The following GLIS3 variants were observed in gnomAD, a reference collection of about 807,000 sequenced individuals.
GLIS3 encodes the protein GLIS family zinc finger 3.
In GLIS3, 53 loss-of-function variants were observed where a neutral mutation model predicts 78.6. The observed-to-expected ratio is 0.67, with a 90% CI of 0.54 to 0.85. The LOEUF is 0.85. Among genes scored for constraint, GLIS3 ranks in the 40% least tolerant of loss-of-function variants. The pLI is 0.00. For synonymous variants in GLIS3, 684 were observed against 509.9 expected (o/e 1.34, Z -4.60); for missense variants, 1,703 against 1,231.1 (o/e 1.38, Z -5.74).
At chr9:4,399,003 T>G in the GLIS3 span, among the ~76,000 whole-genome samples, 15 of 152,198 alleles carry the variant, frequency 9.9e-5, no homozygotes, top group African/African-American at 3.6e-4. Flanking sequence ...AGTTCTTAGA[T>G]TCCTTTGTTT....
At chr9:4,272,999 C>G (rs1324883122) in intron 2 of GLIS3, among the ~76,000 whole-genome samples, 1 of 152,200 alleles carries the variant, frequency 6.6e-6, no homozygotes, top group Non-Finnish European at 1.5e-5. Context: ...TATTTCACCT[C>G]AGTGCATGTG....
chr9:3,920,309 G>T (rs1203089035), intron 6 of GLIS3, among the ~76,000 whole-genome samples: 1 of 152,146 alleles, frequency 6.6e-6, no homozygotes, highest in African/African-American at 2.4e-5. Flanking sequence ...GGCCATTACT[G>T]ACTGTTTTAA....
chr9:4,188,878 CTT>C (rs1362966633), intron 2 of GLIS3, among the ~76,000 whole-genome samples: 2 of 152,002 alleles, frequency 1.3e-5, no homozygotes, highest in African/African-American at 4.8e-5. Context: ...CTATTTCACT[CTT>C]CTCTCTTTTT....
intron 6 of GLIS3, among the ~76,000 whole-genome samples, chr9:3,924,717 T>G (rs1825111059): frequency 6.6e-6 from 1 of 152,120 alleles, no homozygotes; most frequent in Non-Finnish European, 1.5e-5. Flanking sequence ...ACAAAGGACA[T>G]GAATACTTTG....
intron 8 of GLIS3, among the ~76,000 whole-genome samples, chr9:3,870,576 T>A (rs1820908364): frequency 6.6e-6 from 1 of 152,160 alleles, no homozygotes; most frequent in African/African-American, 2.4e-5. Flanking sequence ...CCATCTTACA[T>A]GGATGGCAGA....
At chr9:3,907,515 A>G (rs1823790290) in intron 6 of GLIS3, among the ~76,000 whole-genome samples, 1 of 151,962 alleles carries the variant, frequency 6.6e-6, no homozygotes, top group Non-Finnish European at 1.5e-5. Flanking sequence ...CCCTTCGATT[A>G]GCAATGTGCT....
At chr9:4,141,285 G>C (rs944230381) in intron 2 of GLIS3, among the ~76,000 whole-genome samples, 2 of 152,186 alleles carry the variant, frequency 1.3e-5, no homozygotes, top group African/African-American at 4.8e-5. Context: ...TGAGTAGCAA[G>C]ACAGCTCCCA....
At chr9:4,253,553 G>A (rs896188883) in intron 2 of GLIS3, among the ~76,000 whole-genome samples, 1 of 152,216 alleles carries the variant, frequency 6.6e-6, no homozygotes, top group Non-Finnish European at 1.5e-5. Context: ...CTCTGTGCGG[G>A]TGGGATCCGC....
chr9:4,347,504 C>G (rs1205914355), intron 1 of GLIS3, among the ~76,000 whole-genome samples: 1 of 152,172 alleles, frequency 6.6e-6, no homozygotes, highest in African/African-American at 2.4e-5. Context: ...CCTACACCCA[C>G]TCCAGATCAA....
At chr9:4,138,674 G>A (rs1833586768) in intron 2 of GLIS3, among the ~76,000 whole-genome samples, 1 of 152,168 alleles carries the variant, frequency 6.6e-6, no homozygotes, top group African/African-American at 2.4e-5. Flanking sequence ...GTGACCTTGG[G>A]CAAATGCCTT....
chr9:4,085,676 G>A (rs1258456623), intron 4 of GLIS3, among the ~76,000 whole-genome samples: 3 of 152,246 alleles, frequency 2.0e-5, no homozygotes, highest in Admixed American at 6.5e-5. Context: ...TCACGGGGGC[G>A]GATTTCTCAT....
intron 2 of GLIS3, among the ~76,000 whole-genome samples, chr9:4,228,851 C>T (rs1016821639): frequency 6.6e-6 from 1 of 152,206 alleles, no homozygotes; most frequent in African/African-American, 2.4e-5. Flanking sequence ...TCTGTTATCT[C>T]TCTGAGTATG....
At chr9:4,423,186 G>T in the GLIS3 span, among the ~76,000 whole-genome samples, 3 of 152,056 alleles carry the variant, frequency 2.0e-5, no homozygotes, top group African/African-American at 7.2e-5. Context: ...TAAACAACAA[G>T]TGCCGATTAT....
Position 3,851,185 on chromosome 9 carries a change from G to T in GLIS3, c.2473+4824C>A, listed in dbSNP as rs552982809. ...GTGAATAGGGTATTTAGAAAGAAAT[G>T]ATCCATTAGTCCAGTAACAAAATGT... On this transcript the variant is annotated intron_variant, in intron 9 of 10. Transcript: ENST00000381971. 3.3e-5 allele frequency among the ~76,000 whole-genome samples: 5 copies of T among 152,264 alleles called. No homozygotes were observed. The South Asian group carries it at 1.0e-3, about 32-fold the overall frequency.
At chr9:3,956,346 C>T (rs1410673240) in intron 4 of GLIS3, among the ~76,000 whole-genome samples, 1 of 152,186 alleles carries the variant, frequency 6.6e-6, no homozygotes, top group African/African-American at 2.4e-5. Flanking sequence ...TTACAACCAA[C>T]CGCCATGAGT....
chr9:4,219,073 A>G (rs1008316807), intron 2 of GLIS3, among the ~76,000 whole-genome samples: 1 of 152,244 alleles, frequency 6.6e-6, no homozygotes, highest in Admixed American at 6.5e-5. Context: ...ACAGAAAGCA[A>G]TGACTGATTT....
intron 2 of GLIS3, among the ~76,000 whole-genome samples, chr9:4,257,215 T>C (rs545579142): frequency 1.3e-5 from 2 of 152,268 alleles, no homozygotes; most frequent in South Asian, 2.1e-4. Flanking sequence ...CTAGAGGATA[T>C]TATGCTAAGT....
chr9:4,419,394 A>T, the GLIS3 span, among the ~76,000 whole-genome samples: 1 of 152,200 alleles, frequency 6.6e-6, no homozygotes, highest in Admixed American at 6.5e-5. Flanking sequence ...TAATTCCGGC[A>T]TCTGCTCAGT....
chr9:3,874,857 G>A (rs529860070), intron 8 of GLIS3, among the ~76,000 whole-genome samples: 372 of 152,068 alleles, frequency 2.4e-3, no homozygotes, highest in African/African-American at 8.7e-3. Flanking sequence ...GCTCAGCCAT[G>A]GGCTCATAGG....
Sources: gnomAD v4.1 joint callset for allele counts (sites outside exome capture counted in the v4.1 genomes callset) on GRCh38, gnomAD v4.1.1 for gene constraint, MANE v1.5 for transcripts, NCBI Gene and HGNC (gene_info 2026-07-23, HGNC 2026-07-21) for gene names.